The following SPON2 variants were observed in gnomAD, a reference collection of about 807,000 sequenced individuals.
SPON2 encodes the protein spondin-2.
A neutral mutation model predicts 29.9 loss-of-function variants in SPON2; 32 were observed. The observed-to-expected ratio is 1.07, with a 90% CI of 0.81 to 1.44. The LOEUF (loss-of-function observed/expected upper bound fraction) is 1.44, where lower values mean the gene tolerates loss of function less well. SPON2 is among the 40% of genes most tolerant of loss of function. SPON2 has a pLI of 0.00. For synonymous variants in SPON2, 248 were observed against 209.1 expected (o/e 1.19, Z -1.61); for missense variants, 541 against 455.5 (o/e 1.19, Z -1.71).
chr4:1,193,488 C>T (rs1462024208), intron 1 of SPON2, among the ~76,000 whole-genome samples: 2 of 150,254 alleles, frequency 1.3e-5, no homozygotes, highest in Non-Finnish European at 3.0e-5. Context: ...GGACTGAGTC[C>T]TTTCTCCAGG....
intron 5 of SPON2, chr4:1,168,238 C>G (rs1727311338): frequency 1.3e-5 from 2 of 152,290 alleles, no homozygotes; most frequent in Admixed American, 6.5e-5. Flanking sequence ...GAAAACACCT[C>G]TTTTGCACCC....
Position 1,202,617 on chromosome 4 carries a change from G to T in SPON2, c.-234+5263C>A, listed in dbSNP as rs564172731. On this transcript the variant is annotated intron_variant, in intron 1 of 3. Coordinates refer to the SPON2 transcript ENST00000509233. This position sits in a 1 kb window ranked among gnomAD's most constrained non-coding sequence, Gnocchi z 5.4. ...CATGGGTCGGAGTCTCCTGCCTGCC[G>T]CTCTCCCAGGCTGTGCTTGCTCGCT... is the stretch of plus-strand genomic sequence containing the variant. 6.6e-6 allele frequency among the ~76,000 whole-genome samples: 1 copy of T among 152,022 alleles called. No homozygotes were observed. Among genetic ancestry groups the T allele is most frequent in the African/African-American group, 2.4e-5 (1 of 41,474 alleles).
chr4:1,194,458 G>T (rs1168699533), intron 1 of SPON2, among the ~76,000 whole-genome samples: 1 of 152,064 alleles, frequency 6.6e-6, no homozygotes, highest in Admixed American at 6.5e-5. Context: ...GTGCCCTGCA[G>T]GGGGAGTGGG....
chr4:1,170,676 C>G, intron 4 of SPON2, 100 bp from the exon 5 acceptor site: 1 of 1,336,460 alleles, frequency 7.5e-7, no homozygotes, highest in Non-Finnish European at 1.1e-6. Context: ...CCAGCGTGCC[C>G]TCTGCACCAC....
intron 1 of SPON2, chr4:1,194,894 CG>C (rs1240030838): frequency 6.9e-6 from 1 of 145,844 alleles, no homozygotes; most frequent in Non-Finnish European, 1.5e-5. Context: ...ACGCCACAGC[CG>C]GCGACTCCAA....
At chr4:1,170,597 G>A in intron 4 of SPON2, 21 bp from the exon 5 acceptor site, 1 of 1,600,862 alleles carries the variant, frequency 6.2e-7, no homozygotes. Context: ...AGAAGAGGAG[G>A]TTGGCCTGGG....
At chr4:1,172,383 CG>C in intron 1 of SPON2, 160 bp downstream of exon 1, 1 of 501,292 alleles carries the variant, frequency 2.0e-6, no homozygotes, top group Non-Finnish European at 3.6e-6. Context: ...CGCAGGGACC[CG>C]GGGCCTTGGC....
chr4:1,171,965 G>A lies in SPON2; in HGVS notation c.107C>T (p.Ser36Phe). Reference sequence around the variant, plus strand: ...GCTGTATTTGGCCAGGGCTCTGGCGGAACAGATGGACTCTCCCCCAAGAGG... The same window carrying A: ...GCTGTATTTGGCCAGGGCTCTGGCGAAACAGATGGACTCTCCCCCAAGAGG... Reference protein sequence around the residue: ...GQPLGGESICSARALAKYSIT... With the variant: ...GQPLGGESICFARALAKYSIT... Residue 36 changes from serine (S) to phenylalanine (F), a missense_variant, in exon 2 of 6, where the codon TCC becomes TTC. Physicochemically the swap from Ser to Phe is radical, Grantham distance 155 (BLOSUM62 -2). Coordinates refer to ENST00000290902, the MANE Select transcript of SPON2 (RefSeq NM_012445.4). 6.2e-7 allele frequency: 1 copy of A among 1,612,960 alleles called. No homozygotes were observed. Among genetic ancestry groups the A allele is most frequent in the East Asian group, 2.2e-5 (1 of 44,876 alleles).
chr4:1,171,728 G>C, intron 2 of SPON2, 124 bp downstream of exon 2: 1 of 818,082 alleles, frequency 1.2e-6, no homozygotes, highest in Admixed American at 2.1e-5. Flanking sequence ...CAAACATTCT[G>C]GTGTTAGAGT....
chr4:1,188,124 T>C (rs546309964), intron 1 of SPON2, among the ~76,000 whole-genome samples: 2 of 144,796 alleles, frequency 1.4e-5, no homozygotes, highest in Non-Finnish European at 3.0e-5. Flanking sequence ...GGCAGGAAAA[T>C]TGCTTGAAAC....
At chr4:1,183,639 A>G (rs1646420257) in intron 1 of SPON2, among the ~76,000 whole-genome samples, 1 of 152,226 alleles carries the variant, frequency 6.6e-6, no homozygotes, top group Non-Finnish European at 1.5e-5. Flanking sequence ...TTTGAGGCAC[A>G]CAGTGAATTA....
Position 1,191,056 on chromosome 4 carries a change from A to C in SPON2, c.-239+3934T>G, listed in dbSNP as rs548172798. On this transcript the variant is annotated intron_variant, in intron 1 of 3. Transcript: ENST00000502483. ...GGTCTACAGATTCAATCCAATCCCC[A>C]TCAAAATTCTAACTGCTTTTTTTTT... 1.1e-4 allele frequency among the ~76,000 whole-genome samples: 17 copies of C among 151,926 alleles called. No homozygotes were observed. The East Asian group carries it at 2.9e-3, about 26-fold the overall frequency.
rs749098605 is a variant in SPON2 at position 1,167,556 on chromosome 4, G to A, written c.912C>T (p.Tyr304=). 2 of 1,613,602 alleles carry A rather than the reference G, an allele frequency of 1.2e-6. No homozygotes were observed. The highest frequency in any genetic ancestry group is 1.7e-6 in the Non-Finnish European group (2 of 1,180,012). ...GRLGTKSRTR[Y]VRVQPANNGS... is the part of the protein sequence containing the mutation. ...CGTTGTTGGCGGGCTGGACCCGGACGTAGCGAGTCCTGCTCTTGGTCCCGA... is the reference window on the plus strand; with the variant it reads ...CGTTGTTGGCGGGCTGGACCCGGACATAGCGAGTCCTGCTCTTGGTCCCGA... Residue 304 remains tyrosine (Y), a synonymous_variant, in exon 6 of 6, where the codon TAC becomes TAT. Transcript: ENST00000290902.
chr4:1,178,285 T>C (rs1350793849), intron 2 of SPON2, among the ~76,000 whole-genome samples: 1 of 143,220 alleles, frequency 7.0e-6, no homozygotes, highest in Non-Finnish European at 1.5e-5. Flanking sequence ...CCAAGGGCTT[T>C]GCTCCGGCCA....
Position 1,171,911 on chromosome 4 carries a change from G to T in SPON2, c.161C>A (p.Thr54Lys), listed in dbSNP as rs2153077117. The T allele has an allele frequency of 1.2e-6, 2 of 1,612,984 alleles. No homozygotes were observed. Among genetic ancestry groups the T allele is most frequent in the East Asian group, 2.2e-5 (1 of 44,866 alleles). The change falls in exon 2 of 6, where the codon ACG becomes AAG. Residue 54 changes from threonine (T) to lysine (K), a missense_variant. By Grantham distance (78) the Thr-to-Lys change is moderately conservative. Coordinates refer to ENST00000290902, the MANE Select transcript of SPON2 (RefSeq NM_012445.4). ...SITFTGKWSQTAFPKQYPLFR... is the reference protein window; with the variant it reads ...SITFTGKWSQKAFPKQYPLFR... ...CAGGGGGTACTGCTTGGGGAAGGCC[G>T]TCTGGCTCCACTTGCCCGTGAAGGT...
rs141581437 is a variant in SPON2, at chr4:1,170,530, G to C, written c.683C>G (p.Pro228Arg). ...PSHPANSFYY[P>R]RLKALPPIAR... ...GATGGGAGGCAGGGCCTTCAGCCGC[G>C]GGTAGTAGAAGGAGTTGGCCGGGTG... Residue 228 changes from proline to arginine, a missense_variant, in exon 5 of 6, where the codon CCG becomes CGG. Pro to Arg is a moderately radical substitution (Grantham distance 103, BLOSUM62 -2). Coordinates refer to ENST00000290902, the MANE Select transcript of SPON2 (RefSeq NM_012445.4). 1 of 1,613,960 alleles carries C rather than the reference G, an allele frequency of 6.2e-7. No homozygotes were observed. The highest frequency in any genetic ancestry group is 2.2e-5 in the East Asian group (1 of 44,868).
chr4:1,176,346 G>A (rs1410242600), upstream of SPON2, among the ~76,000 whole-genome samples: 5 of 152,056 alleles, frequency 3.3e-5, no homozygotes, highest in East Asian at 3.9e-4. Context: ...CTCTGTGCCC[G>A]CAGGCAGGAG....
chr4:1,205,677 G>A (rs1180204560), intron 1 of SPON2, among the ~76,000 whole-genome samples: 2 of 152,176 alleles, frequency 1.3e-5, no homozygotes, highest in African/African-American at 4.8e-5. Context: ...GGCATCATTT[G>A]GTGTTGATCA....
At chr4:1,204,027 C>T (rs1176279608) in intron 1 of SPON2, among the ~76,000 whole-genome samples, 3 of 152,102 alleles carry the variant, frequency 2.0e-5, no homozygotes, top group South Asian at 2.1e-4. Flanking sequence ...TGCACCACCA[C>T]GTGGTGGCTA....
Sources: gnomAD v4.1 joint callset for allele counts (sites outside exome capture counted in the v4.1 genomes callset) on GRCh38, gnomAD v4.1.1 for gene constraint, Gnocchi (gnomAD v3.1) non-coding constraint, MANE v1.5 for transcripts, NCBI Gene and HGNC (gene_info 2026-07-23, HGNC 2026-07-21) for gene names.